Variants in ZNF266 observed in about 807,000 individuals in gnomAD.
ZNF266 encodes the protein zinc finger protein 266.
ZNF266 carries 16 observed loss-of-function variants against 16.4 expected under a neutral mutation model. The observed-to-expected ratio is 0.98, with a 90% CI of 0.66 to 1.48. The LOEUF is 1.48. Among genes scored for constraint, ZNF266 ranks in the 40% most tolerant of loss-of-function variants. The pLI is 0.00. For synonymous variants in ZNF266, 262 were observed against 237.9 expected (o/e 1.10, Z -0.93); for missense variants, 738 against 689.1 (o/e 1.07, Z -0.79).
At chr19:9,426,038 T>C (rs566572934) in intron 5 of ZNF266, among the ~76,000 whole-genome samples, 15 of 152,226 alleles carry the variant, frequency 9.9e-5, no homozygotes, top group Admixed American at 5.2e-4. Context: ...CTGACAACAG[T>C]AGCAACCCCT....
chr19:9,420,255 A>G (rs2069653775), intron 5 of ZNF266, 37 bp from the exon 6 acceptor site: 1 of 152,288 alleles, frequency 6.6e-6, no homozygotes, highest in African/African-American at 2.4e-5. Flanking sequence ...AGCATTACTT[A>G]TCAGTCATCA....
chr19:9,414,690 C>G lies in ZNF266; in HGVS notation c.436G>C (p.Asp146His), dbSNP rs2068720941. 1.3e-6 allele frequency: 2 copies of G among 1,583,858 alleles called. No homozygotes were observed. Among genetic ancestry groups the G allele is most frequent in the Middle Eastern group, 1.7e-4 (1 of 5,962 alleles). ...IGSHNGGEVS[D>H]VKQCGDVSSE... ...GAGACATCTCCACATTGCTTAACAT[C>G]ACTGACCTCCCCTCCGTTGTGGCTT... is the stretch of plus-strand genomic sequence containing the variant. The change falls in exon 11 of 11, where the codon GAT becomes CAT. Residue 146 changes from aspartate to histidine, a missense_variant. Transcript: ENST00000592904.
intron 5 of ZNF266, among the ~76,000 whole-genome samples, chr19:9,426,554 G>A (rs1410070494): frequency 8.0e-5 from 12 of 150,912 alleles, no homozygotes; most frequent in Admixed American, 7.9e-4. Context: ...AAAAAAAAGA[G>A]GAACTTTTTG....
chr19:9,427,122 T>C (rs892331838), intron 5 of ZNF266, among the ~76,000 whole-genome samples: 5 of 152,082 alleles, frequency 3.3e-5, no homozygotes, highest in Non-Finnish European at 5.9e-5. Context: ...CTACTGCTTC[T>C]CTATTTGACA....
chr19:9,415,875 G>A (rs952555278), intron 9 of ZNF266, 133 bp from the exon 10 acceptor site: 22 of 624,446 alleles, frequency 3.5e-5, no homozygotes, highest in Non-Finnish European at 5.6e-5. Flanking sequence ...CCAGGCTGGA[G>A]TGCAATGGCG....
chr19:9,420,011 T>C (rs1302830793), intron 6 of ZNF266, 54 bp downstream of exon 6: 4 of 152,152 alleles, frequency 2.6e-5, no homozygotes, highest in African/African-American at 9.7e-5. Flanking sequence ...CCATACTGTG[T>C]GGGGGGGGAC....
At chr19:9,428,236 C>G (rs1344882631) in intron 5 of ZNF266, among the ~76,000 whole-genome samples, 5 of 152,216 alleles carry the variant, frequency 3.3e-5, no homozygotes, top group Non-Finnish European at 7.3e-5. Flanking sequence ...CCACTGTGCT[C>G]TAGGTCAGGG....
chr19:9,414,483 T>C lies in ZNF266; in HGVS notation c.643A>G (p.Arg215Gly). The C allele has an allele frequency of 6.2e-7, 1 of 1,614,228 alleles. No individual in the cohort carries two copies. Among genetic ancestry groups the C allele is most frequent in the Non-Finnish European group, 8.5e-7 (1 of 1,180,038 alleles). The change falls in exon 11 of 11, where the codon AGA becomes GGA. Residue 215 changes from arginine (R) to glycine (G), a missense_variant. Physicochemically the swap from Arg to Gly is moderately radical, Grantham distance 125. Transcript: ENST00000592904. The stretch of plus-strand genomic sequence containing the variant: ...AAAGCTTTCTCTCCTGTGCACGTTC[T>C]CTGGCAAACAACATCTGGGTTCAGG... ...FSLNPDVVCQRTCTGEKAFDC... is the reference protein window; with the variant it reads ...FSLNPDVVCQGTCTGEKAFDC...
At chr19:9,417,779 A>G in intron 9 of ZNF266, 49 bp downstream of exon 9, 1 of 1,524,190 alleles carries the variant, frequency 6.6e-7, no homozygotes, top group Non-Finnish European at 9.0e-7. Flanking sequence ...CATTATACTT[A>G]TAAACATACT....
intron 3 of ZNF266, 88 bp downstream of exon 3, chr19:9,434,710 T>C (rs2072192455): frequency 6.6e-6 from 1 of 152,228 alleles, no homozygotes; most frequent in Non-Finnish European, 1.5e-5. Flanking sequence ...AATAGTATTA[T>C]GGTTTTAAAA....
chr19:9,417,970 A>G, intron 8 of ZNF266, 62 bp from the exon 9 acceptor site: 1 of 1,490,534 alleles, frequency 6.7e-7, no homozygotes, highest in African/African-American at 1.4e-5. Context: ...AAATCTTTCC[A>G]CAACTCAGGA....
Position 9,414,663 on chromosome 19 carries a change from T to C in ZNF266, c.463A>G (p.Ser155Gly). 1.3e-6 allele frequency: 2 copies of C among 1,598,740 alleles called. No individual in the cohort carries two copies. Among genetic ancestry groups the C allele is most frequent in the Non-Finnish European group, 8.6e-7 (1 of 1,167,268 alleles). ...SDVKQCGDVS[S>G]EHSCLKTHVR... is the part of the protein sequence containing the mutation. Reference sequence around the variant, plus strand: ...TGTGTCTTAAGGCATGAGTGTTCACTGGAGACATCTCCACATTGCTTAACA... The same window carrying C: ...TGTGTCTTAAGGCATGAGTGTTCACCGGAGACATCTCCACATTGCTTAACA... Residue 155 changes from serine (S) to glycine (G), a missense_variant, in exon 11 of 11, where the codon AGT becomes GGT. Transcript: ENST00000592904.
intron 9 of ZNF266, among the ~76,000 whole-genome samples, chr19:9,416,471 C>T (rs11880571): frequency 2.7e-5 from 4 of 150,678 alleles, no homozygotes; most frequent in Non-Finnish European, 4.4e-5. Context: ...TCAAGCGATT[C>T]TCCTGCCTCA....
At chr19:9,416,735 G>C (rs559834245) in intron 9 of ZNF266, among the ~76,000 whole-genome samples, 2 of 112,252 alleles carry the variant, frequency 1.8e-5, no homozygotes, top group Non-Finnish European at 3.4e-5. Flanking sequence ...TCAGCGGCAC[G>C]ATCTTGGCTC....
rs919015430 is a variant in ZNF266, at chr19:9,434,846, G to C, written c.-458C>G. 1.3e-5 allele frequency: 2 copies of C among 152,166 alleles called. No individual in the cohort carries two copies. The highest frequency in any genetic ancestry group is 2.4e-5 in the African/African-American group (1 of 41,428). The allele number at this position is 152,166 out of a possible 1,614,324, so 9.4% of individuals were successfully genotyped here. Reference sequence around the variant, plus strand: ...CTAAAAGCCCGTTTTGAAGCTCTGTGGGGAGGTACAGGCCTAGGAAGTTCA... The same window carrying C: ...CTAAAAGCCCGTTTTGAAGCTCTGTCGGGAGGTACAGGCCTAGGAAGTTCA... On this transcript the variant is annotated 5_prime_UTR_variant, in exon 3 of 11. Coordinates refer to ENST00000592904, the MANE Select transcript of ZNF266 (RefSeq NM_001370374.1).
At chr19:9,432,156 A>T (rs2071706084) in intron 5 of ZNF266, among the ~76,000 whole-genome samples, 1 of 151,842 alleles carries the variant, frequency 6.6e-6, no homozygotes. Flanking sequence ...TCAGGGTTTC[A>T]CCATGTTGGC....
intron 8 of ZNF266, 99 bp from the exon 9 acceptor site, chr19:9,418,007 A>C: frequency 8.0e-7 from 1 of 1,252,968 alleles, no homozygotes; most frequent in Non-Finnish European, 1.2e-6. Flanking sequence ...AAGCAGTGAA[A>C]TTATTTTAAA....
chr19:9,413,021 G>A lies in ZNF266; in HGVS notation c.*254C>T. 1 of 508,244 alleles carries A rather than the reference G, an allele frequency of 2.0e-6. No individual in the cohort carries two copies. Among genetic ancestry groups the A allele is most frequent in the Non-Finnish European group, 3.4e-6 (1 of 290,594 alleles). 31.5% of individuals were successfully genotyped at this position (508,244 alleles called of 1,614,324 possible). On this transcript the variant is annotated 3_prime_UTR_variant, in exon 11 of 11. Transcript: ENST00000592904. ...ATTAAGGTTTGTGGGATTCAGAAAG[G>A]TATTCCCAGATTCTCTACATTCATA...
chr19:9,430,469 T>C (rs2071428129), intron 5 of ZNF266, among the ~76,000 whole-genome samples: 1 of 152,180 alleles, frequency 6.6e-6, no homozygotes, highest in Non-Finnish European at 1.5e-5. Flanking sequence ...GCCTTGCCTA[T>C]CCAACCACAC....
Sources: gnomAD v4.1 joint callset for allele counts (sites outside exome capture counted in the v4.1 genomes callset) on GRCh38, gnomAD v4.1.1 for gene constraint, MANE v1.5 for transcripts, NCBI Gene and HGNC (gene_info 2026-07-23, HGNC 2026-07-21) for gene names.